The following SOX5 variants were observed in gnomAD, a reference collection of about 807,000 sequenced individuals.
The protein encoded by SOX5 is transcription factor SOX-5.
In SOX5, 9 loss-of-function variants were observed where a neutral mutation model predicts 92.0. The ratio of observed to expected loss-of-function variants is 0.10; its 90% CI spans 0.06 to 0.17. The LOEUF (loss-of-function observed/expected upper bound fraction) is 0.17. Ranked by LOEUF, SOX5 falls within the 10% of genes least tolerant of loss-of-function variation. The pLI, the probability that SOX5 is intolerant of heterozygous loss-of-function variation, is 1.00. For synonymous variants in SOX5, 344 were observed against 336.3 expected, an observed-to-expected ratio of 1.02 and a Z score of -0.25; for missense variants, 642 against 944.5, an observed-to-expected ratio of 0.68 and a Z score of 4.20.
intron 4 of SOX5, among the ~76,000 whole-genome samples, chr12:24,013,360 G>A (rs1157853957): frequency 6.6e-6 from 1 of 152,144 alleles, no homozygotes; most frequent in Non-Finnish European, 1.5e-5. Context: ...TTGAGAACAT[G>A]TCCCCTCAAA....
At chr12:24,466,950 T>G (rs758288607) in intron 1 of SOX5, among the ~76,000 whole-genome samples, 4 of 152,122 alleles carry the variant, frequency 2.6e-5, no homozygotes, top group Non-Finnish European at 5.9e-5. Context: ...CCAAAACAAT[T>G]CAGTCCATTT....
chr12:23,817,005 T>G (rs1366330288), intron 3 of SOX5, among the ~76,000 whole-genome samples: 2 of 152,248 alleles, frequency 1.3e-5, no homozygotes, highest in African/African-American at 4.8e-5. Context: ...AGAGCCAGCA[T>G]GACATCTGAA....
At chr12:24,265,495 G>C (rs1942878346) in intron 3 of SOX5, among the ~76,000 whole-genome samples, 2 of 152,114 alleles carry the variant, frequency 1.3e-5, no homozygotes, top group African/African-American at 2.4e-5. Flanking sequence ...AGTGAGCTGA[G>C]GTCGTGCCAC....
At chr12:23,993,212 C>T (rs1194181637) in intron 4 of SOX5, among the ~76,000 whole-genome samples, 1 of 152,134 alleles carries the variant, frequency 6.6e-6, no homozygotes, top group African/African-American at 2.4e-5. Context: ...ATCAATGAAA[C>T]ACACAATTTC....
intron 1 of SOX5, among the ~76,000 whole-genome samples, chr12:23,939,558 A>G (rs1018982041): frequency 6.0e-5 from 9 of 151,092 alleles, no homozygotes; most frequent in Admixed American, 2.0e-4. Flanking sequence ...TATTTTAAAT[A>G]TAAACTAATT....
At chr12:24,465,327 T>G (rs1944106448) in intron 1 of SOX5, among the ~76,000 whole-genome samples, 2 of 152,214 alleles carry the variant, frequency 1.3e-5, no homozygotes, top group South Asian at 4.1e-4. Flanking sequence ...TTACTGAGCG[T>G]TTATTACATT....
intron 3 of SOX5, among the ~76,000 whole-genome samples, chr12:23,822,588 A>G (rs2096141505): frequency 6.6e-6 from 1 of 152,154 alleles, no homozygotes; most frequent in Admixed American, 6.5e-5. Context: ...AGAAGAATGT[A>G]TATTCTGTTG....
chr12:23,704,919 C>G (rs1307086102), intron 6 of SOX5, among the ~76,000 whole-genome samples: 2 of 150,680 alleles, frequency 1.3e-5, no homozygotes, highest in East Asian at 3.9e-4. Flanking sequence ...ATTATTTCAT[C>G]CAATATTATT....
intron 3 of SOX5, among the ~76,000 whole-genome samples, chr12:24,236,389 T>C (rs1349558134): frequency 6.6e-6 from 1 of 152,184 alleles, no homozygotes; most frequent in Non-Finnish European, 1.5e-5. Context: ...CTTAATGATA[T>C]AGAGTTACCA....
intron 1 of SOX5, among the ~76,000 whole-genome samples, chr12:23,918,814 G>A (rs7134283): frequency 0.21 from 30,583 of 147,284 alleles, 3,743 homozygotes; most frequent in Non-Finnish European, 0.29. Flanking sequence ...CTACTCAGGC[G>A]GCTGAGGCAG....
At chr12:23,903,990 C>T (rs1375612058) in intron 1 of SOX5, among the ~76,000 whole-genome samples, 1 of 152,122 alleles carries the variant, frequency 6.6e-6, no homozygotes, top group Non-Finnish European at 1.5e-5. Flanking sequence ...TAGCATATCA[C>T]TTTAATAAAA....
intron 4 of SOX5, among the ~76,000 whole-genome samples, chr12:24,110,891 A>G (rs1947256004): frequency 8.7e-6 from 1 of 114,384 alleles, no homozygotes; most frequent in South Asian, 3.2e-4. Flanking sequence ...ACAGCGCGAG[A>G]CTCCACTTCA....
At chr12:24,391,788 A>G (rs1959022855) in intron 1 of SOX5, among the ~76,000 whole-genome samples, 1 of 152,176 alleles carries the variant, frequency 6.6e-6, no homozygotes, top group African/African-American at 2.4e-5. Context: ...ATAATAACAC[A>G]ATCTAGGATT....
chr12:23,897,250 C>T (rs980700838), intron 1 of SOX5, among the ~76,000 whole-genome samples: 2 of 151,980 alleles, frequency 1.3e-5, no homozygotes, highest in African/African-American at 4.8e-5. Flanking sequence ...AAAGTGTGTT[C>T]CCCCAAATGC....
chr12:24,423,097 C>A (rs867947183), intron 1 of SOX5, among the ~76,000 whole-genome samples: 4 of 152,196 alleles, frequency 2.6e-5, no homozygotes, highest in African/African-American at 9.7e-5. Context: ...TAAATTATGG[C>A]TAATATCAGA....
intron 1 of SOX5, among the ~76,000 whole-genome samples, chr12:24,542,486 C>T (rs1457123015): frequency 1.3e-5 from 2 of 152,116 alleles, no homozygotes; most frequent in Non-Finnish European, 2.9e-5. Context: ...ACCTACATTC[C>T]CCAAGTCGCC....
At chr12:23,854,309 G>C (rs970616117) in intron 2 of SOX5, among the ~76,000 whole-genome samples, 1 of 152,010 alleles carries the variant, frequency 6.6e-6, no homozygotes, top group Non-Finnish European at 1.5e-5. Context: ...AAAATAGATT[G>C]TGGTCCTCCC....
intron 3 of SOX5, among the ~76,000 whole-genome samples, chr12:23,788,117 G>A (rs544012592): frequency 1.3e-5 from 2 of 151,230 alleles, no homozygotes; most frequent in African/African-American, 4.8e-5. Context: ...TTTTTATTAT[G>A]GTTTATCATT....
intron 7 of SOX5, among the ~76,000 whole-genome samples, chr12:23,654,667 T>C (rs1016841846): frequency 3.3e-5 from 5 of 152,100 alleles, no homozygotes; most frequent in African/African-American, 1.2e-4. Context: ...AGTGATTTGC[T>C]ATACACAAGT....
Sources: gnomAD v4.1 joint callset for allele counts (sites outside exome capture counted in the v4.1 genomes callset) on GRCh38, gnomAD v4.1.1 for gene constraint, MANE v1.5 for transcripts, NCBI Gene and HGNC (gene_info 2026-07-23, HGNC 2026-07-21) for gene names.